The following SCARB2 variants were observed in gnomAD, a reference collection of about 807,000 sequenced individuals.
SCARB2 encodes the protein scavenger receptor class B member 2.
Under a neutral mutation model 58.6 loss-of-function variants are expected in SCARB2, and 29 were observed. The observed-to-expected ratio is 0.49, with a 90% confidence interval of 0.37 to 0.67. The LOEUF (loss-of-function observed/expected upper bound fraction) is 0.67, where lower values mean the gene tolerates loss of function less well. Ranked by LOEUF, SCARB2 falls within the 30% of genes least tolerant of loss-of-function variation. The pLI, the probability that SCARB2 is intolerant of heterozygous loss-of-function variation, is 0.00. For missense variants in SCARB2, 488 were observed against 578.5 expected, an observed-to-expected ratio of 0.84 and a Z score of 1.60; for synonymous variants, 195 against 210.1, an observed-to-expected ratio of 0.93 and a Z score of 0.62.
In SCARB2 at chr4:76,168,482, A is replaced by G; in HGVS notation, c.1114-6T>C. 1.9e-6 allele frequency: 3 copies of G among 1,612,940 alleles called. No homozygotes were observed. The highest frequency in any genetic ancestry group is 2.5e-6 in the Non-Finnish European group (3 of 1,179,080). On this transcript the variant is annotated splice_region_variant and splice_polypyrimidine_tract_variant and intron_variant, in intron 8 of 11. Coordinates refer to ENST00000264896, the MANE Select transcript of SCARB2 (RefSeq NM_005506.4). ...TTTAGGATTATTCCAGTCAACTGCAAATCAGAGAAGTGAAAAGGAAACATT... is the reference window on the plus strand; with the variant it reads ...TTTAGGATTATTCCAGTCAACTGCAGATCAGAGAAGTGAAAAGGAAACATT...
At position 76,174,232 on chromosome 4, in the gene SCARB2, T is replaced by G. The variant is rs760360480; in HGVS notation, c.906A>C (p.Leu302Phe). 1 of 1,614,222 alleles carries G rather than the reference T, an allele frequency of 6.2e-7. No individual in the cohort carries two copies. The highest frequency in any genetic ancestry group is 8.5e-7 in the Non-Finnish European group (1 of 1,180,042). Residue 302 changes from leucine (L) to phenylalanine (F), a missense_variant, in exon 7 of 12, where the codon TTA becomes TTC. Physicochemically the swap from Leu to Phe is conservative, Grantham distance 22. Coordinates refer to ENST00000264896, the MANE Select transcript of SCARB2 (RefSeq NM_005506.4). ...AFRYKVPAEI[L>F]ANTSDNAGFC... ...AGCCGGCATTGTCTGACGTATTGGCTAATATTTCTGCAGGAACTTTATACC... is the reference window on the plus strand; with the variant it reads ...AGCCGGCATTGTCTGACGTATTGGCGAATATTTCTGCAGGAACTTTATACC...
intron 1 of SCARB2, among the ~76,000 whole-genome samples, chr4:76,197,820 C>A (rs1229688933): frequency 6.6e-6 from 1 of 152,102 alleles, no homozygotes; most frequent in Non-Finnish European, 1.5e-5. Context: ...GTCTTCCACT[C>A]ACTGTTGCTT....
intron 1 of SCARB2, among the ~76,000 whole-genome samples, chr4:76,229,685 A>C (rs12506229): frequency 6.6e-6 from 1 of 152,082 alleles, no homozygotes; most frequent in Non-Finnish European, 1.5e-5. Context: ...CTGTGATGTG[A>C]TCCATCTTCA....
intron 11 of SCARB2, chr4:76,162,369 C>T (rs1731916914): frequency 6.5e-6 from 1 of 152,724 alleles, no homozygotes; most frequent in Non-Finnish European, 1.5e-5. Context: ...TTCACATTTG[C>T]CTTGGACACT....
chr4:76,213,478 C>G lies in SCARB2; in HGVS notation c.66G>C (p.Thr22=). The G allele has an allele frequency of 6.2e-7, 1 of 1,611,040 alleles. No homozygotes were observed. The highest frequency in any genetic ancestry group is 8.5e-7 in the Non-Finnish European group (1 of 1,178,706). ...LSLLLLVTSV[T]LLVARVFQKA... is the part of the protein sequence containing the mutation. Reference sequence around the variant, plus strand: ...TCTGGAAGACCCGGGCCACCAGCAGCGTGACGCTGGTCACCAGCAGGAGCA... The same window carrying G: ...TCTGGAAGACCCGGGCCACCAGCAGGGTGACGCTGGTCACCAGCAGGAGCA... The change falls in exon 1 of 12, where the codon ACG becomes ACC. Residue 22 remains threonine, a synonymous_variant. Transcript: ENST00000264896.
At chr4:76,216,939 A>G (rs1270973117), upstream of SCARB2, among the ~76,000 whole-genome samples, 2 of 152,236 alleles carry the variant, frequency 1.3e-5, no homozygotes, top group Non-Finnish European at 2.9e-5. Context: ...CGAGGCTGGC[A>G]TAACTTTTTA....
intron 2 of SCARB2, among the ~76,000 whole-genome samples, chr4:76,184,975 T>C (rs1006209914): frequency 6.6e-6 from 1 of 152,202 alleles, no homozygotes; most frequent in Non-Finnish European, 1.5e-5. Flanking sequence ...AGCCTTCAAA[T>C]AGATTCCCGT....
rs186473550 is a variant in SCARB2, at chr4:76,180,754, T to C, written c.423+200A>G. Reference sequence around the variant, plus strand: ...TCCTAAAATCTGAATTTTGTCATCATTTGAAAAGACCTTATTTGATACATC... The same window carrying C: ...TCCTAAAATCTGAATTTTGTCATCACTTGAAAAGACCTTATTTGATACATC... On this transcript the variant is annotated intron_variant, in intron 3 of 11. Transcript: ENST00000264896. The C allele has an allele frequency of 3.0e-5, 11 of 362,306 alleles. No homozygotes were observed. In the East Asian group the frequency reaches 3.1e-4, roughly 10 times the overall value. 22.4% of individuals were successfully genotyped at this position (362,306 alleles called of 1,614,324 possible).
At chr4:76,214,122 T>C (rs1194791023), upstream of SCARB2, 1 of 417,600 alleles carries the variant, frequency 2.4e-6, no homozygotes, top group African/African-American at 2.1e-5. Context: ...ATTCCGCAGA[T>C]AGGTCTGAGG....
intron 2 of SCARB2, chr4:76,194,291 CTAATCCAACTAA>C (rs1732664227): frequency 6.6e-6 from 1 of 152,188 alleles, no homozygotes; most frequent in East Asian, 1.9e-4. Context: ...CAAAAATAGC[CTAATCCAACTAA>C]TAGTAAGAGC....
At chr4:76,214,561 C>G, upstream of SCARB2, 2 of 337,524 alleles carry the variant, frequency 5.9e-6, no homozygotes, top group Non-Finnish European at 1.2e-5. Flanking sequence ...TTGAAGGGCT[C>G]TTGGTATCCT....
At chr4:76,179,352 C>T (rs1358822317) in intron 4 of SCARB2, 165 bp downstream of exon 4, 3 of 631,228 alleles carry the variant, frequency 4.8e-6, no homozygotes, top group East Asian at 2.8e-5. Flanking sequence ...CCGCACCCGG[C>T]CTCAAGTTTT....
chr4:76,195,568 C>T (rs1732694099), intron 2 of SCARB2, 139 bp downstream of exon 2: 1 of 723,902 alleles, frequency 1.4e-6, no homozygotes, highest in African/African-American at 1.7e-5. Context: ...TACAAAACAT[C>T]AGCAGCGTTT....
rs1453712074 is a variant in SCARB2, at chr4:76,160,761, TG to T, written c.*951del. ...ATGTGTAACTTAGGCTGTAGATAGA[TG>T]GATTTCCCATATTCATAATTTTACA... On this transcript the variant is annotated 3_prime_UTR_variant, in exon 12 of 12. Coordinates refer to ENST00000264896, the MANE Select transcript of SCARB2 (RefSeq NM_005506.4). 6.6e-6 allele frequency: 1 copy of T among 152,246 alleles called. No homozygotes were observed. Among genetic ancestry groups the T allele is most frequent in the African/African-American group, 2.4e-5 (1 of 41,466 alleles). 9.4% of individuals were successfully genotyped at this position (152,246 alleles called of 1,614,324 possible).
Position 76,189,474 on chromosome 4 carries a change from C to CTGT in SCARB2, c.275+6230_275+6232dup, listed in dbSNP as rs138885918. 6.2e-3 allele frequency among the ~76,000 whole-genome samples: 938 copies of CTGT among 150,358 alleles called. 7 individuals carry two copies. The highest frequency in any genetic ancestry group is 0.015 in the African/African-American group (604 of 40,786). On this transcript the variant is annotated intron_variant, in intron 2 of 11. Transcript: ENST00000264896. ...GCCCAGCAAAAGGGTTTTTGTTTGT[C>CTGT]TGTTGTTGTTGTTGTTGTTGTTGTT... is the stretch of plus-strand genomic sequence containing the variant.
chr4:76,179,979 G>A (rs1226093668), intron 3 of SCARB2: 2 of 476,356 alleles, frequency 4.2e-6, no homozygotes, highest in Non-Finnish European at 7.7e-6. Context: ...AAGGGGAAAA[G>A]CTCTTGTAAA....
At chr4:76,176,666 T>C in intron 4 of SCARB2, 138 bp from the exon 5 acceptor site, 1 of 643,686 alleles carries the variant, frequency 1.6e-6, no homozygotes. Flanking sequence ...GTGATTAATA[T>C]CTACAATCCG....
At chr4:76,197,899 T>C (rs1578734479) in intron 1 of SCARB2, among the ~76,000 whole-genome samples, 1 of 152,260 alleles carries the variant, frequency 6.6e-6, no homozygotes, top group East Asian at 1.9e-4. Flanking sequence ...CCTTATCTTT[T>C]TTTTTAAGTG....
chr4:76,177,852 G>T (rs1250258432), intron 4 of SCARB2, among the ~76,000 whole-genome samples: 1 of 152,208 alleles, frequency 6.6e-6, no homozygotes, highest in Non-Finnish European at 1.5e-5. Flanking sequence ...AAGTAGATTA[G>T]TGGTTGCCAG....
Sources: gnomAD v4.1 joint callset for allele counts (sites outside exome capture counted in the v4.1 genomes callset) on GRCh38, gnomAD v4.1.1 for gene constraint, MANE v1.5 for transcripts, NCBI Gene and HGNC (gene_info 2026-07-23, HGNC 2026-07-21) for gene names.